Variants in EDIL3 observed in about 807,000 individuals in gnomAD.
EDIL3 encodes EGF like and discoidin domains 3, also known as EGF-like repeat and discoidin I-like domain-containing protein 3.
Under a neutral mutation model 67.4 loss-of-function variants are expected in EDIL3, and 37 were observed. The ratio of observed to expected loss-of-function variants is 0.55; its 90% confidence interval spans 0.42 to 0.72. The LOEUF (loss-of-function observed/expected upper bound fraction) is 0.72, where lower values mean the gene tolerates loss of function less well. EDIL3 is among the 30% of genes least tolerant of loss of function. The pLI, the probability that EDIL3 is intolerant of heterozygous loss-of-function variation, is 0.00. For synonymous variants in EDIL3, 195 were observed against 196.3 expected (o/e 0.99, Z 0.05); for missense variants, 527 against 586.3 (o/e 0.90, Z 1.04).
chr5:84,221,790 G>T (rs1033818007), intron 3 of EDIL3, among the ~76,000 whole-genome samples: 1 of 151,836 alleles, frequency 6.6e-6, no homozygotes, highest in Non-Finnish European at 1.5e-5. Flanking sequence ...GAATATACTC[G>T]ATAAAACAAT....
At chr5:84,088,301 C>G (rs558275143) in intron 6 of EDIL3, among the ~76,000 whole-genome samples, 63 of 152,170 alleles carry the variant, frequency 4.1e-4, no homozygotes, top group Admixed American at 6.5e-4. Context: ...TACATCTTTC[C>G]AAATCCAGGC....
intron 6 of EDIL3, among the ~76,000 whole-genome samples, chr5:84,077,724 G>C (rs1233529757): frequency 3.3e-5 from 5 of 151,716 alleles, no homozygotes; most frequent in African/African-American, 1.2e-4. Context: ...GATTTGGGTG[G>C]GGATCTAGCC....
At position 84,030,119 on chromosome 5, in the gene EDIL3, TA is replaced by T. The variant is rs768649312; in HGVS notation, c.1137+30180del. 2.0e-5 allele frequency among the ~76,000 whole-genome samples: 3 copies of T among 152,202 alleles called. No individual in the cohort carries two copies. The South Asian group carries it at 6.2e-4, about 31-fold the overall frequency. ...TTTGAATGACCTAAAAGTCCCTTTC[TA>T]AAACAATGATGTAATTTTCAGACAA... On this transcript the variant is annotated intron_variant, in intron 9 of 10. Coordinates refer to ENST00000296591, the MANE Select transcript of EDIL3 (RefSeq NM_005711.5).
chr5:84,031,278 A>G (rs945823400), intron 9 of EDIL3, among the ~76,000 whole-genome samples: 23 of 152,348 alleles, frequency 1.5e-4, no homozygotes, highest in Non-Finnish European at 2.6e-4. Flanking sequence ...GTAATACACT[A>G]AGCTGATTTT....
chr5:84,264,954 G>A (rs1367459372), intron 1 of EDIL3, among the ~76,000 whole-genome samples: 7 of 152,036 alleles, frequency 4.6e-5, no homozygotes, highest in African/African-American at 7.2e-5. Flanking sequence ...TTTTCTAAGC[G>A]TAAATCTGGT....
At chr5:84,023,638 G>A (rs1053913602) in intron 9 of EDIL3, among the ~76,000 whole-genome samples, 11 of 151,952 alleles carry the variant, frequency 7.2e-5, no homozygotes, top group African/African-American at 2.4e-4. Context: ...AGCATGCTTA[G>A]TGTAAATGAA....
chr5:84,248,363 T>C (rs375898494), intron 2 of EDIL3, among the ~76,000 whole-genome samples: 2 of 152,298 alleles, frequency 1.3e-5, no homozygotes, highest in African/African-American at 4.8e-5. Flanking sequence ...CACCACACTT[T>C]CCTGGTTTTC....
intron 4 of EDIL3, among the ~76,000 whole-genome samples, chr5:84,176,181 AATATATATATATATATAATATAT>A (rs1259689253): frequency 4.6e-5 from 4 of 86,466 alleles, no homozygotes; most frequent in Non-Finnish European, 8.2e-5. Flanking sequence ...AGTGGTAAAA[AATATATATATATATATAATATAT>A]ATATATATAT....
chr5:84,071,757 T>C (rs1746743942), intron 6 of EDIL3, among the ~76,000 whole-genome samples: 2 of 152,200 alleles, frequency 1.3e-5, no homozygotes, highest in Admixed American at 1.3e-4. Flanking sequence ...TAAAAACTAA[T>C]TTAAAAGTTC....
chr5:83,966,443 G>C (rs931448457), intron 9 of EDIL3, among the ~76,000 whole-genome samples: 1 of 151,946 alleles, frequency 6.6e-6, no homozygotes, highest in East Asian at 1.9e-4. Flanking sequence ...TTTCTATGAG[G>C]ATTTTTCCTT....
chr5:84,165,219 A>C (rs926843328), intron 4 of EDIL3, among the ~76,000 whole-genome samples: 1 of 152,138 alleles, frequency 6.6e-6, no homozygotes, highest in African/African-American at 2.4e-5. Context: ...TTTATAATCT[A>C]ATATGTACAT....
intron 4 of EDIL3, among the ~76,000 whole-genome samples, chr5:84,170,399 C>A (rs746532371): frequency 5.9e-5 from 9 of 152,172 alleles, no homozygotes; most frequent in Non-Finnish European, 1.2e-4. Flanking sequence ...TGACCTTAGA[C>A]CATGTGCAGT....
rs560912321 is a variant in EDIL3, at chr5:83,974,816, T to C, written c.1138-11456A>G. Among the ~76,000 whole-genome samples the C allele has an allele frequency of 3.9e-5, 6 of 152,188 alleles. No individual in the cohort carries two copies. In the South Asian group the frequency reaches 1.0e-3, roughly 26 times the overall value. ...TCTTATGTATATTCTTCTTCTGTTATTGATGCTAATTTCCATTTGCTTTGT... is the reference window on the plus strand; with the variant it reads ...TCTTATGTATATTCTTCTTCTGTTACTGATGCTAATTTCCATTTGCTTTGT... On this transcript the variant is annotated intron_variant, in intron 9 of 10. Coordinates refer to ENST00000296591, the MANE Select transcript of EDIL3 (RefSeq NM_005711.5).
intron 9 of EDIL3, among the ~76,000 whole-genome samples, chr5:83,984,831 G>A (rs1445399838): frequency 6.6e-6 from 1 of 151,978 alleles, no homozygotes; most frequent in Admixed American, 6.6e-5. Context: ...CTCTGCCTAG[G>A]ACAGCTTAGG....
At chr5:84,205,779 T>G (rs1743962618) in intron 3 of EDIL3, among the ~76,000 whole-genome samples, 1 of 152,196 alleles carries the variant, frequency 6.6e-6, no homozygotes, top group Admixed American at 6.5e-5. Flanking sequence ...CATTTTTTAT[T>G]GCGTCAATTT....
At position 84,015,868 on chromosome 5, in the gene EDIL3, TA is replaced by T; in HGVS notation, c.1137+44431del. Among the ~76,000 whole-genome samples the T allele has an allele frequency of 1.3e-5, 2 of 152,322 alleles. 1 individual carries two copies. Reference sequence around the variant, plus strand: ...ATCCCTTAGAGTTTTCACTTAGAATTAAAGCTTTTCTTTTCTTTATTTTAAA... The same window carrying T: ...ATCCCTTAGAGTTTTCACTTAGAATTAAGCTTTTCTTTTCTTTATTTTAAA... On this transcript the variant is annotated intron_variant, in intron 9 of 10. Transcript: ENST00000296591.
intron 1 of EDIL3, among the ~76,000 whole-genome samples, chr5:84,343,495 T>C (rs879874968): frequency 1.3e-5 from 2 of 152,106 alleles, no homozygotes; most frequent in Admixed American, 6.6e-5. Flanking sequence ...AGTTGATCTA[T>C]TGTAAGACAG....
chr5:84,086,370 A>G (rs956584165), intron 6 of EDIL3, among the ~76,000 whole-genome samples: 1 of 152,146 alleles, frequency 6.6e-6, no homozygotes, highest in South Asian at 2.1e-4. Flanking sequence ...GATGGGTAGC[A>G]CAGTCCTTCA....
chr5:84,336,477 C>G (rs943943362), intron 1 of EDIL3, among the ~76,000 whole-genome samples: 1 of 152,030 alleles, frequency 6.6e-6, no homozygotes, highest in Admixed American at 6.6e-5. Context: ...AAACATGAGT[C>G]AGGATTAGTG....
Sources: gnomAD v4.1 joint callset for allele counts (sites outside exome capture counted in the v4.1 genomes callset) on GRCh38, gnomAD v4.1.1 for gene constraint, MANE v1.5 for transcripts, NCBI Gene and HGNC (gene_info 2026-07-23, HGNC 2026-07-21) for gene names.